MAP4: variants seen among roughly 807,000 people sequenced by gnomAD.
The protein encoded by MAP4 is microtubule-associated protein 4.
Under a neutral mutation model 170.2 loss-of-function variants are expected in MAP4, and 76 were observed. That is an observed-to-expected ratio of 0.45 (90% CI 0.37 to 0.54). MAP4 has a LOEUF of 0.54. Among genes scored for constraint, MAP4 ranks in the 20% least tolerant of loss-of-function variants. MAP4 has a pLI of 0.00. For synonymous variants in MAP4, 909 were observed against 994.5 expected, an observed-to-expected ratio of 0.91 and a Z score of 1.62; for missense variants, 2,506 against 2,748.0, an observed-to-expected ratio of 0.91 and a Z score of 1.97.
intron 3 of MAP4, among the ~76,000 whole-genome samples, chr3:47,958,104 TG>T (rs933518297): frequency 6.6e-6 from 1 of 152,162 alleles, no homozygotes; most frequent in African/African-American, 2.4e-5. Flanking sequence ...ACCTACTGGT[TG>T]GGAAAGATTG....
intron 1 of MAP4, among the ~76,000 whole-genome samples, chr3:48,074,591 G>A (rs562664435): frequency 2.1e-5 from 3 of 139,706 alleles, no homozygotes; most frequent in Admixed American, 7.7e-5. Context: ...ACAGATCGAC[G>A]TCCTGGGCTG....
chr3:47,922,039 C>G (rs1232003617), intron 4 of MAP4, among the ~76,000 whole-genome samples, 161 bp from the exon 5 acceptor site: 1 of 151,926 alleles, frequency 6.6e-6, no homozygotes, highest in Non-Finnish European at 1.5e-5. Flanking sequence ...CCTCTACCTC[C>G]CAGGTTCAAG....
At chr3:47,984,275 A>C (rs2100087225) in intron 2 of MAP4, among the ~76,000 whole-genome samples, 1 of 152,052 alleles carries the variant, frequency 6.6e-6, no homozygotes. Context: ...TAGGATTACA[A>C]GTGTGAGTCA....
chr3:48,028,755 G>C (rs140749072), intron 1 of MAP4, among the ~76,000 whole-genome samples: 338 of 144,778 alleles, frequency 2.3e-3, no homozygotes, highest in African/African-American at 8.3e-3. Context: ...CTAGGCAACA[G>C]AGTGAGACTC....
intron 1 of MAP4, among the ~76,000 whole-genome samples, chr3:48,054,273 G>A (rs1157663942): frequency 6.6e-6 from 1 of 151,466 alleles, no homozygotes. Flanking sequence ...ACTCCAGCCT[G>A]GCGAGAGAGC....
chr3:47,868,454 G>A (rs1576807398), intron 16 of MAP4, among the ~76,000 whole-genome samples: 2 of 152,302 alleles, frequency 1.3e-5, no homozygotes, highest in Middle Eastern at 6.8e-3. Flanking sequence ...AGAAGCCACG[G>A]TGCAGCTTTC....
chr3:47,961,711 C>T (rs908159904), intron 3 of MAP4, among the ~76,000 whole-genome samples: 2 of 152,150 alleles, frequency 1.3e-5, no homozygotes, highest in Non-Finnish European at 2.9e-5. Flanking sequence ...TTCTAGTGTG[C>T]TTTTGCATCT....
chr3:47,873,460 T>C lies in MAP4; in HGVS notation c.5758-1360A>G, dbSNP rs375956547. 5.3e-5 allele frequency among the ~76,000 whole-genome samples: 8 copies of C among 152,256 alleles called. 1 individual carries two copies. The highest frequency in any genetic ancestry group is 1.9e-4 in the African/African-American group (8 of 41,538). On this transcript the variant is annotated intron_variant, in intron 12 of 20. Coordinates refer to ENST00000683076, the MANE Select transcript of MAP4 (RefSeq NM_001385682.1). ...AGAAGTGGCTATAAAGAGGGCAGTA[T>C]GTAGGTAGCGACAAGCAGGATATCG...
chr3:47,935,042 C>G (rs2100051929), intron 3 of MAP4, among the ~76,000 whole-genome samples: 1 of 152,182 alleles, frequency 6.6e-6, no homozygotes, highest in African/African-American at 2.4e-5. Flanking sequence ...TAACTAATAC[C>G]TACTTCATAA....
chr3:47,918,949 G>T (rs939967969), intron 5 of MAP4, 108 bp from the exon 6 acceptor site: 1 of 947,300 alleles, frequency 1.1e-6, no homozygotes, highest in Non-Finnish European at 1.5e-6. Flanking sequence ...TTTTTTTTGA[G>T]ACAGAGTTTC....
intron 2 of MAP4, among the ~76,000 whole-genome samples, chr3:47,978,189 C>A (rs547087011): frequency 6.6e-6 from 1 of 152,142 alleles, no homozygotes; most frequent in Non-Finnish European, 1.5e-5. Context: ...AAGTCTAAAT[C>A]TTTTTCATTC....
intron 2 of MAP4, among the ~76,000 whole-genome samples, chr3:47,988,782 A>C (rs1029444567): frequency 2.0e-5 from 3 of 151,600 alleles, no homozygotes; most frequent in African/African-American, 7.3e-5. Flanking sequence ...TTCATGAAAA[A>C]GGTATAGTTT....
At chr3:47,863,921 G>GGTGTGTGTGTGTGTGTGT (rs747894391) in intron 17 of MAP4, among the ~76,000 whole-genome samples, 48 of 110,882 alleles carry the variant, frequency 4.3e-4, no homozygotes, top group African/African-American at 1.9e-3. Context: ...TGTGGGTGTG[G>GGTGTGTGTGTGTGTGTGT]GTGTGTGTGT....
At chr3:47,960,705 C>CT (rs1268024194) in intron 3 of MAP4, 2 of 161,306 alleles carry the variant, frequency 1.2e-5, no homozygotes, top group African/African-American at 4.8e-5. Context: ...CTTCTTACTA[C>CT]TAACACTTCA....
intron 3 of MAP4, among the ~76,000 whole-genome samples, chr3:47,951,184 T>C (rs1308303467): frequency 6.6e-6 from 1 of 152,250 alleles, no homozygotes; most frequent in Non-Finnish European, 1.5e-5. Flanking sequence ...TGTTGAGCCA[T>C]ATATATGACA....
intron 1 of MAP4, among the ~76,000 whole-genome samples, chr3:48,038,459 C>CTTTTTTT (rs397989482): frequency 1.6e-5 from 2 of 121,992 alleles, no homozygotes; most frequent in Non-Finnish European, 3.3e-5. Flanking sequence ...TGCACTGAAA[C>CTTTTTTT]TTTTTTTTTT....
At chr3:47,880,259 ATTTTTTTTTTTTTT>A (rs35700801) in intron 10 of MAP4, among the ~76,000 whole-genome samples, 18 of 106,372 alleles carry the variant, frequency 1.7e-4, no homozygotes, top group African/African-American at 6.9e-4. Flanking sequence ...CACCTGGCTA[ATTTTTTTTTTTTTT>A]TTTTTTTTGC....
At chr3:47,927,930 C>T (rs150830642) in intron 4 of MAP4, among the ~76,000 whole-genome samples, 1 of 152,270 alleles carries the variant, frequency 6.6e-6, no homozygotes, top group African/African-American at 2.4e-5. Context: ...TTTAACATTA[C>T]CATAATAATT....
chr3:47,989,182 G>A (rs748204126), intron 2 of MAP4, among the ~76,000 whole-genome samples: 5 of 152,324 alleles, frequency 3.3e-5, no homozygotes, highest in South Asian at 2.1e-4. Flanking sequence ...AGGCCTAGGC[G>A]GAAGGGCTGC....
Sources: gnomAD v4.1 joint callset for allele counts (sites outside exome capture counted in the v4.1 genomes callset) on GRCh38, gnomAD v4.1.1 for gene constraint, MANE v1.5 for transcripts, NCBI Gene and HGNC (gene_info 2026-07-23, HGNC 2026-07-21) for gene names.